The following SNTB1 variants were observed in gnomAD, a reference collection of about 807,000 sequenced individuals.
The protein encoded by SNTB1 is syntrophin beta 1, also known as beta-1-syntrophin.
A neutral mutation model predicts 48.9 loss-of-function variants in SNTB1; 36 were observed. That is an observed-to-expected ratio of 0.74 (90% CI 0.56 to 0.97). The LOEUF is 0.97. SNTB1 is among the 50% of genes least tolerant of loss of function. SNTB1 has a pLI of 0.00. For missense variants in SNTB1, 786 were observed against 703.4 expected (o/e 1.12, Z -1.33); for synonymous variants, 299 against 294.6 (o/e 1.01, Z -0.15).
At chr8:120,707,001 AGGTAAGGTAGAT>A (rs1358706170) in intron 1 of SNTB1, among the ~76,000 whole-genome samples, 1 of 152,166 alleles carries the variant, frequency 6.6e-6, no homozygotes, top group African/African-American at 2.4e-5. Flanking sequence ...AGGCATCTGA[AGGTAAGGTAGAT>A]GGTGACGGGT....
rs755213705 is a variant in SNTB1, at chr8:120,538,497, T to C, written c.*380A>G. ...TAGGTAAGAATGTCCATTTCTCAAC[T>C]ATTCGGCCCTTGCGTACCTGGTGAA... On this transcript the variant is annotated 3_prime_UTR_variant, in exon 7 of 7. Transcript: ENST00000517992. The C allele has an allele frequency of 4.0e-5, 14 of 353,844 alleles. No individual in the cohort carries two copies. In the East Asian group the frequency reaches 8.8e-4, roughly 22 times the overall value. 21.9% of individuals were successfully genotyped at this position (353,844 alleles called of 1,614,324 possible).
chr8:120,711,911 T>G (rs1369040724), intron 1 of SNTB1, among the ~76,000 whole-genome samples: 5 of 152,204 alleles, frequency 3.3e-5, no homozygotes, highest in Non-Finnish European at 7.3e-5. Flanking sequence ...AATATTCAAA[T>G]ATGTTTTAAA....
chr8:120,720,083 G>A (rs556603760), intron 1 of SNTB1, among the ~76,000 whole-genome samples: 1 of 152,214 alleles, frequency 6.6e-6, no homozygotes, highest in Non-Finnish European at 1.5e-5. Context: ...AAATACATGG[G>A]TTAGGGCAAA....
chr8:120,589,284 A>T (rs1816201154), intron 3 of SNTB1, among the ~76,000 whole-genome samples: 1 of 152,222 alleles, frequency 6.6e-6, no homozygotes, highest in African/African-American at 2.4e-5. Flanking sequence ...ACCTGAATAA[A>T]GGTCCATCTG....
intron 2 of SNTB1, among the ~76,000 whole-genome samples, chr8:120,673,394 G>A (rs1462228489): frequency 2.0e-5 from 3 of 151,458 alleles, no homozygotes; most frequent in Admixed American, 6.6e-5. Flanking sequence ...GGGTTCAAGC[G>A]GTTCTCCTGC....
chr8:120,757,740 C>G (rs765058265), intron 1 of SNTB1, among the ~76,000 whole-genome samples: 19 of 152,212 alleles, frequency 1.2e-4, no homozygotes, highest in Non-Finnish European at 2.8e-4. Context: ...TTCCTGGCCA[C>G]TGTGACCACA....
chr8:120,612,293 T>G (rs541990097), intron 3 of SNTB1, among the ~76,000 whole-genome samples: 23 of 152,324 alleles, frequency 1.5e-4, no homozygotes, highest in African/African-American at 4.6e-4. Flanking sequence ...AAAGTAGTTA[T>G]TACATCCCTT....
At chr8:120,600,882 T>TG (rs1816410990) in intron 3 of SNTB1, among the ~76,000 whole-genome samples, 1 of 151,532 alleles carries the variant, frequency 6.6e-6, no homozygotes, top group African/African-American at 2.4e-5. Context: ...AGTGAGGAGA[T>TG]GGGGCACAAT....
At chr8:120,744,127 T>TTTTTTTTTTTTTTTTTTTTG in intron 1 of SNTB1, among the ~76,000 whole-genome samples, 1 of 151,294 alleles carries the variant, frequency 6.6e-6, no homozygotes, top group Non-Finnish European at 1.5e-5. Context: ...CTCAATTTTT[T>TTTTTTTTTTTTTTTTTTTTG]TTTTTTTTTG....
At chr8:120,567,416 C>CTT (rs10699484) in intron 4 of SNTB1, among the ~76,000 whole-genome samples, 3,990 of 134,676 alleles carry the variant, frequency 0.03, 141 homozygotes, top group African/African-American at 0.087. Flanking sequence ...GGTTGAGCTC[C>CTT]TTTTTTTTTT....
intron 2 of SNTB1, among the ~76,000 whole-genome samples, chr8:120,636,594 A>G (rs1165494329): frequency 1.3e-5 from 2 of 148,442 alleles, no homozygotes; most frequent in African/African-American, 2.5e-5. Context: ...ATGGCTGCAT[A>G]GTATTCCATG....
At chr8:120,780,708 G>A (rs1478846304) in intron 1 of SNTB1, among the ~76,000 whole-genome samples, 1 of 152,082 alleles carries the variant, frequency 6.6e-6, no homozygotes, top group Non-Finnish European at 1.5e-5. Context: ...AAATCAAACT[G>A]GCACCACAAA....
intron 4 of SNTB1, among the ~76,000 whole-genome samples, chr8:120,574,632 T>C (rs947603122): frequency 4.6e-5 from 7 of 152,206 alleles, no homozygotes; most frequent in Non-Finnish European, 8.8e-5. Context: ...GGAAGCGTCA[T>C]GGAACTGAGA....
At chr8:120,648,306 G>A (rs1196231839) in intron 2 of SNTB1, among the ~76,000 whole-genome samples, 4,630 of 69,894 alleles carry the variant, frequency 0.066, no homozygotes, top group South Asian at 0.079. Flanking sequence ...GGCTGGTACC[G>A]GTTGTTCCTT....
chr8:120,725,356 C>T (rs971549117), intron 1 of SNTB1, among the ~76,000 whole-genome samples: 1 of 152,206 alleles, frequency 6.6e-6, no homozygotes, highest in Non-Finnish European at 1.5e-5. Flanking sequence ...CTGTATCAAT[C>T]TCTCTGCCCT....
intron 1 of SNTB1, among the ~76,000 whole-genome samples, chr8:120,706,390 G>A: frequency 6.6e-6 from 1 of 152,078 alleles, no homozygotes; most frequent in East Asian, 1.9e-4. Context: ...ATGCCAGGCA[G>A]AAAAGGCATA....
At chr8:120,643,945 C>T (rs1217454052) in intron 2 of SNTB1, among the ~76,000 whole-genome samples, 1 of 152,144 alleles carries the variant, frequency 6.6e-6, no homozygotes, top group Admixed American at 6.5e-5. Flanking sequence ...GTCCAATACA[C>T]ATTCAAGAAA....
intron 5 of SNTB1, among the ~76,000 whole-genome samples, chr8:120,547,011 CA>C (rs1192587009): frequency 6.6e-6 from 1 of 152,124 alleles, no homozygotes; most frequent in East Asian, 1.9e-4. Flanking sequence ...CAGAGTGACA[CA>C]ACCTAGAGTT....
At chr8:120,786,828 C>A (rs1037291498) in intron 1 of SNTB1, among the ~76,000 whole-genome samples, 2 of 152,202 alleles carry the variant, frequency 1.3e-5, no homozygotes, top group Non-Finnish European at 2.9e-5. Flanking sequence ...GGGACCTTGG[C>A]ACACTGTTAG....
Sources: gnomAD v4.1 joint callset for allele counts (sites outside exome capture counted in the v4.1 genomes callset) on GRCh38, gnomAD v4.1.1 for gene constraint, MANE v1.5 for transcripts, NCBI Gene and HGNC (gene_info 2026-07-23, HGNC 2026-07-21) for gene names.